Variants in ABCC4 observed in about 807,000 individuals in gnomAD.
ABCC4 encodes ATP binding cassette subfamily C member 4 (PEL blood group), also known as ATP-binding cassette sub-family C member 4.
In ABCC4, 102 loss-of-function variants were observed where a neutral mutation model predicts 168.5. The ratio of observed to expected loss-of-function variants is 0.61; its 90% CI spans 0.52 to 0.71. ABCC4 has a LOEUF of 0.71. Among genes scored for constraint, ABCC4 ranks in the 30% least tolerant of loss-of-function variants. The pLI is 0.00. For missense variants in ABCC4, 1,402 were observed against 1,605.8 expected, an observed-to-expected ratio of 0.87 and a Z score of 2.17; for synonymous variants, 617 against 590.7, an observed-to-expected ratio of 1.04 and a Z score of -0.65.
chr13:95,158,406 G>A (rs2036950475), intron 19 of ABCC4, among the ~76,000 whole-genome samples: 1 of 152,194 alleles, frequency 6.6e-6, no homozygotes, highest in Non-Finnish European at 1.5e-5. Flanking sequence ...ATGGGGATAT[G>A]AGGGACGTCT....
chr13:95,247,248 T>C (rs1370555991), intron 2 of ABCC4, among the ~76,000 whole-genome samples, 153 bp from the exon 3 acceptor site: 1 of 152,208 alleles, frequency 6.6e-6, no homozygotes, highest in Non-Finnish European at 1.5e-5. Flanking sequence ...CTGAAGGTTA[T>C]GTGTGGTACA....
intron 29 of ABCC4, among the ~76,000 whole-genome samples, chr13:95,040,325 A>G (rs9561767): frequency 0.86 from 131,405 of 152,152 alleles, 56,845 homozygotes; most frequent in East Asian, 0.97. Context: ...TCCGCCTCCC[A>G]GGTTCAAAAG....
intron 19 of ABCC4, among the ~76,000 whole-genome samples, chr13:95,122,595 C>G (rs1025159720): frequency 1.3e-5 from 2 of 152,200 alleles, no homozygotes; most frequent in Non-Finnish European, 2.9e-5. Flanking sequence ...CTCCATTCCT[C>G]CTGGCCGTGT....
chr13:95,179,860 T>C (rs2037832254), intron 11 of ABCC4, among the ~76,000 whole-genome samples: 1 of 152,170 alleles, frequency 6.6e-6, no homozygotes, highest in Non-Finnish European at 1.5e-5. Flanking sequence ...TTATCTCTTT[T>C]ACAAAATATC....
At chr13:95,075,717 G>T in intron 21 of ABCC4, 166 bp from the exon 22 acceptor site, 1 of 800,370 alleles carries the variant, frequency 1.2e-6, no homozygotes, top group Non-Finnish European at 1.9e-6. Context: ...AGGGGACCCT[G>T]CCACTGGAAT....
At chr13:95,190,821 G>A (rs1295587960) in intron 9 of ABCC4, among the ~76,000 whole-genome samples, 1 of 152,228 alleles carries the variant, frequency 6.6e-6, no homozygotes. Flanking sequence ...ACTTGACCAT[G>A]CATGTCTGGT....
Position 95,247,047 on chromosome 13 carries a change from A to T in ABCC4, c.234T>A (p.Pro78=), listed in dbSNP as rs746717071. 1 of 1,613,306 alleles carries T rather than the reference A, an allele frequency of 6.2e-7. No individual in the cohort carries two copies. The change falls in exon 3 of 31, where the codon CCT becomes CCA. Residue 78 remains proline, a synonymous_variant. Coordinates refer to ENST00000645237, the MANE Select transcript of ABCC4 (RefSeq NM_005845.5). ...ACTTTATGATTGCTCTTGTTAAAGAAGGCTTCTGTGCGTCATTCTCAGCTC... is the reference window on the plus strand; with the variant it reads ...ACTTTATGATTGCTCTTGTTAAAGATGGCTTCTGTGCGTCATTCTCAGCTC... The part of the protein sequence containing the change: ...VLRAENDAQK[P]SLTRAIIKCY...
chr13:95,151,290 A>G (rs921872179), intron 19 of ABCC4, among the ~76,000 whole-genome samples: 2 of 152,046 alleles, frequency 1.3e-5, no homozygotes, highest in Admixed American at 1.3e-4. Context: ...AGTCTGGCCA[A>G]CATGGTGAAA....
At chr13:95,181,298 G>A (rs1212729888) in intron 11 of ABCC4, among the ~76,000 whole-genome samples, 1 of 152,212 alleles carries the variant, frequency 6.6e-6, no homozygotes, top group Non-Finnish European at 1.5e-5. Context: ...CAGGGGCCAG[G>A]CCTGAGGCCC....
chr13:95,174,859 G>A (rs1325376055), intron 13 of ABCC4, among the ~76,000 whole-genome samples: 7 of 152,212 alleles, frequency 4.6e-5, no homozygotes, highest in Admixed American at 4.6e-4. Context: ...AATGCCAAGT[G>A]CCAGCTTATC....
At chr13:95,275,871 T>C (rs538785197) in intron 1 of ABCC4, among the ~76,000 whole-genome samples, 2 of 152,302 alleles carry the variant, frequency 1.3e-5, no homozygotes, top group South Asian at 4.1e-4. Context: ...TTATAAATCA[T>C]ACACTTTTCT....
At chr13:95,122,727 T>A (rs16950642) in intron 19 of ABCC4, among the ~76,000 whole-genome samples, 7,378 of 152,264 alleles carry the variant, frequency 0.048, 220 homozygotes, top group Middle Eastern at 0.095. Context: ...CATGAAACTC[T>A]TGCTGACAAA....
At chr13:95,280,129 A>C (rs2041079484) in intron 1 of ABCC4, among the ~76,000 whole-genome samples, 1 of 152,132 alleles carries the variant, frequency 6.6e-6, no homozygotes, top group Non-Finnish European at 1.5e-5. Context: ...TAACTATCCA[A>C]GAGAAGTAGC....
Position 95,021,603 on chromosome 13 carries a change from G to A in ABCC4, c.3950C>T (p.Thr1317Ile). The A allele has an allele frequency of 6.2e-7, 1 of 1,612,652 alleles. No individual in the cohort carries two copies. Among genetic ancestry groups the A allele is most frequent in the Non-Finnish European group, 8.5e-7 (1 of 1,178,716 alleles). ...CAGTGCTGTCTCGAAAATAGTTAAG[G>A]TCGAGGGCTGTCCATTGGAAGTGTT... ...VTNTSNGQPSTLTIFETAL is the reference protein window; with the variant it reads ...VTNTSNGQPSILTIFETAL The change falls in exon 31 of 31, where the codon ACC (threonine) becomes ATC (isoleucine). Residue 1317 changes from threonine to isoleucine, a missense_variant. By Grantham distance (89) the Thr-to-Ile change is moderately conservative. Coordinates refer to ENST00000645237, the MANE Select transcript of ABCC4 (RefSeq NM_005845.5).
At chr13:95,270,988 G>A (rs561820491) in intron 1 of ABCC4, among the ~76,000 whole-genome samples, 4 of 152,130 alleles carry the variant, frequency 2.6e-5, no homozygotes, top group African/African-American at 4.8e-5. Context: ...CCAGCTACTC[G>A]GGAGGCTGAG....
rs765931057 is a variant in ABCC4 at position 95,247,750 on chromosome 13, C to T, written c.78G>A (p.Trp26Ter). Residue 26 changes from tryptophan (W) to a stop codon, truncating the protein, a stop_gained, in exon 2 of 31, where the codon TGG (tryptophan) becomes TGA (stop). Coordinates refer to ENST00000645237, the MANE Select transcript of ABCC4 (RefSeq NM_005845.5). LOFTEE classifies it high-confidence loss of function. Reference protein sequence around the residue: ...ANLCSRVFFWWLNPLFKIGHK... With the variant: ...ANLCSRVFFW ...GGCCAATTTTAAACAAGGGATTGAG[C>T]CACCTGTTAACAAGAGAAAAGAGAC... The T allele has an allele frequency of 1.6e-5, 26 of 1,610,644 alleles. No individual in the cohort carries two copies. Among genetic ancestry groups the T allele is most frequent in the Non-Finnish European group, 2.2e-5 (26 of 1,176,934 alleles).
chr13:95,167,643 C>T (rs903432248), intron 14 of ABCC4, among the ~76,000 whole-genome samples: 2 of 152,136 alleles, frequency 1.3e-5, no homozygotes, highest in African/African-American at 2.4e-5. Flanking sequence ...AAGTGACACA[C>T]CTAGTTTGAT....
chr13:95,184,117 G>A (rs1422959974), intron 11 of ABCC4, among the ~76,000 whole-genome samples: 1 of 152,252 alleles, frequency 6.6e-6, no homozygotes, highest in African/African-American at 2.4e-5. Flanking sequence ...ATTGCCACTG[G>A]AGTCTGCCTG....
At chr13:95,295,629 G>A (rs1054284938) in intron 1 of ABCC4, among the ~76,000 whole-genome samples, 3 of 151,712 alleles carry the variant, frequency 2.0e-5, no homozygotes, top group African/African-American at 4.8e-5. Context: ...CCGCACTCCA[G>A]ACTGGGCAAC....
Sources: gnomAD v4.1 joint callset for allele counts (sites outside exome capture counted in the v4.1 genomes callset) on GRCh38, gnomAD v4.1.1 for gene constraint, MANE v1.5 for transcripts, NCBI Gene and HGNC (gene_info 2026-07-23, HGNC 2026-07-21) for gene names.